Variants in KCNT2 observed in about 807,000 individuals in gnomAD.
KCNT2 encodes the protein potassium sodium-activated channel subfamily T member 2.
Under a neutral mutation model 153.8 loss-of-function variants are expected in KCNT2, and 67 were observed. That is an observed-to-expected ratio of 0.44 (90% CI 0.36 to 0.53). KCNT2 has a LOEUF of 0.53. Ranked by LOEUF, KCNT2 falls within the 20% of genes least tolerant of loss-of-function variation. KCNT2 has a pLI of 0.00. For synonymous variants in KCNT2, 500 were observed against 458.8 expected (o/e 1.09, Z -1.15); for missense variants, 975 against 1,354.8 (o/e 0.72, Z 4.40).
chr1:196,340,903 TA>T (rs896192442), intron 15 of KCNT2, among the ~76,000 whole-genome samples: 6 of 151,452 alleles, frequency 4.0e-5, no homozygotes, highest in East Asian at 1.9e-4. Flanking sequence ...TTACTTTGGT[TA>T]AAAAAAATAA....
At chr1:196,584,728 A>C (rs576146336) in intron 1 of KCNT2, among the ~76,000 whole-genome samples, 1 of 152,266 alleles carries the variant, frequency 6.6e-6, no homozygotes, top group South Asian at 2.1e-4. Flanking sequence ...GTAAATATAT[A>C]AGCTTTGCTA....
intron 1 of KCNT2, among the ~76,000 whole-genome samples, chr1:196,562,786 G>A (rs1229999553): frequency 2.0e-5 from 3 of 150,670 alleles, no homozygotes; most frequent in African/African-American, 4.9e-5. Context: ...ATCAATGTCC[G>A]CTATTGACAA....
At chr1:196,485,815 AAAAG>A (rs1204217129) in intron 3 of KCNT2, among the ~76,000 whole-genome samples, 1 of 151,984 alleles carries the variant, frequency 6.6e-6, no homozygotes, top group Non-Finnish European at 1.5e-5. Flanking sequence ...ATCATAAAAA[AAAAG>A]AATGTGGGAT....
intron 1 of KCNT2, among the ~76,000 whole-genome samples, chr1:196,505,679 T>C: frequency 6.6e-6 from 1 of 152,138 alleles, no homozygotes; most frequent in East Asian, 1.9e-4. Flanking sequence ...TTGGGCAGTA[T>C]GGACATTTTC....
intron 3 of KCNT2, among the ~76,000 whole-genome samples, chr1:196,488,275 C>T (rs1679589494): frequency 2.0e-5 from 3 of 151,888 alleles, no homozygotes; most frequent in Non-Finnish European, 4.4e-5. Context: ...TAAAATAGAG[C>T]CTGCACCCAT....
intron 8 of KCNT2, among the ~76,000 whole-genome samples, chr1:196,455,378 C>A (rs1426162957): frequency 6.6e-6 from 1 of 151,930 alleles, no homozygotes; most frequent in East Asian, 2.0e-4. Context: ...GGTCATTAAT[C>A]TTTTGTTTTC....
intron 5 of KCNT2, among the ~76,000 whole-genome samples, chr1:196,470,906 G>A (rs1396686647): frequency 8.2e-6 from 1 of 122,464 alleles, no homozygotes; most frequent in East Asian, 2.4e-4. Flanking sequence ...TTGAGACAGA[G>A]TCTCGCTCTG....
At chr1:196,560,046 A>G (rs964909620) in intron 1 of KCNT2, among the ~76,000 whole-genome samples, 1 of 151,900 alleles carries the variant, frequency 6.6e-6, no homozygotes, top group Admixed American at 6.6e-5. Flanking sequence ...CTTTTTAAAT[A>G]ATTTAATTTG....
intron 1 of KCNT2, among the ~76,000 whole-genome samples, chr1:196,521,432 C>T (rs1402302858): frequency 6.6e-6 from 1 of 152,168 alleles, no homozygotes; most frequent in African/African-American, 2.4e-5. Flanking sequence ...TTTGACCCAA[C>T]AATCCCATTA....
At chr1:196,459,970 C>T (rs1179732165) in intron 8 of KCNT2, among the ~76,000 whole-genome samples, 1 of 151,770 alleles carries the variant, frequency 6.6e-6, no homozygotes, top group African/African-American at 2.4e-5. Context: ...TTCTCAAAAG[C>T]CAGTGCCATA....
intron 14 of KCNT2, among the ~76,000 whole-genome samples, chr1:196,372,045 T>C (rs1179049272): frequency 6.6e-6 from 1 of 152,102 alleles, no homozygotes; most frequent in African/African-American, 2.4e-5. Context: ...AAACACTTTC[T>C]GCAAAGAAGA....
intron 22 of KCNT2, among the ~76,000 whole-genome samples, chr1:196,300,610 C>T (rs1012026709): frequency 2.6e-4 from 40 of 152,054 alleles, no homozygotes; most frequent in South Asian, 6.2e-4. Flanking sequence ...AAGTCACCTC[C>T]CTAATTTATT....
chr1:196,258,072 A>G (rs114501383), intron 26 of KCNT2, 122 bp downstream of exon 26: 86,840 of 1,447,326 alleles, frequency 0.06, 3,153 homozygotes, highest in Non-Finnish European at 0.069. Flanking sequence ...ATGTATCACT[A>G]GTTTCTACTA....
intron 14 of KCNT2, among the ~76,000 whole-genome samples, chr1:196,357,269 A>G (rs1246878661): frequency 6.6e-6 from 1 of 151,930 alleles, no homozygotes; most frequent in Non-Finnish European, 1.5e-5. Flanking sequence ...CTTCAATTAT[A>G]TGACCTTATC....
At chr1:196,406,057 G>A (rs1671805410) in intron 12 of KCNT2, among the ~76,000 whole-genome samples, 1 of 151,448 alleles carries the variant, frequency 6.6e-6, no homozygotes, top group African/African-American at 2.4e-5. Flanking sequence ...CCCTAGGAAG[G>A]CCTCACAGTA....
intron 26 of KCNT2, among the ~76,000 whole-genome samples, chr1:196,244,982 G>A (rs73063980): frequency 6.6e-6 from 1 of 152,200 alleles, no homozygotes; most frequent in African/African-American, 2.4e-5. Context: ...CCCTTCCCCA[G>A]CTCCAGGCAG....
At chr1:196,332,998 C>T (rs112320183) in intron 17 of KCNT2, among the ~76,000 whole-genome samples, 7,392 of 151,872 alleles carry the variant, frequency 0.049, 278 homozygotes, top group Non-Finnish European at 0.071. Context: ...CCACGTTGGT[C>T]AGGCTTGTCT....
intron 8 of KCNT2, among the ~76,000 whole-genome samples, chr1:196,438,300 A>T (rs915167860): frequency 6.6e-6 from 1 of 151,794 alleles, no homozygotes; most frequent in Non-Finnish European, 1.5e-5. Context: ...AGAGTCAGGG[A>T]TTATAGAGAG....
chr1:196,485,845 G>A (rs964178285), intron 3 of KCNT2, among the ~76,000 whole-genome samples: 7 of 151,758 alleles, frequency 4.6e-5, no homozygotes, highest in South Asian at 2.1e-4. Flanking sequence ...CTGCACATTC[G>A]TAGATAACCT....
Sources: allele counts gnomAD v4.1 joint callset (sites outside exome capture counted in the v4.1 genomes callset), GRCh38; gene constraint gnomAD v4.1.1; transcripts MANE v1.5; gene names NCBI Gene and HGNC (gene_info 2026-07-23, HGNC 2026-07-21).